Variants in PCDHGB5 observed in about 807,000 individuals in gnomAD.
PCDHGB5 encodes the protein protocadherin gamma subfamily B, 5, also known as protocadherin gamma-B5.
Under a neutral mutation model 62.9 loss-of-function variants are expected in PCDHGB5, and 48 were observed. The ratio of observed to expected loss-of-function variants is 0.76; its 90% CI spans 0.61 to 0.97. PCDHGB5 has a LOEUF of 0.97. PCDHGB5 is among the 50% of genes least tolerant of loss of function. PCDHGB5 has a pLI of 0.00. For missense variants in PCDHGB5, 1,118 were observed against 1,198.6 expected (o/e 0.93, Z 0.99); for synonymous variants, 474 against 511.2 (o/e 0.93, Z 0.98).
intron 1 of PCDHGB5, chr5:141,418,101 G>A (rs965772298): frequency 3.7e-6 from 6 of 1,614,082 alleles, no homozygotes; most frequent in Non-Finnish European, 5.1e-6. Flanking sequence ...GACGCGCAGA[G>A]CGGGGACTTA....
At chr5:141,403,121 C>T (rs2094357954) in intron 1 of PCDHGB5, 1 of 1,614,046 alleles carries the variant, frequency 6.2e-7, no homozygotes, top group Non-Finnish European at 8.5e-7. Context: ...TCTGGAGCCC[C>T]GGGAGCTGGC....
At chr5:141,419,728 A>T (rs2096421858) in intron 1 of PCDHGB5, 1 of 1,613,466 alleles carries the variant, frequency 6.2e-7, no homozygotes. Flanking sequence ...GGCTGCGAAC[A>T]GGCGAGGTGC....
Position 141,398,621 on chromosome 5 carries a change from ACT to A in PCDHGB5, c.499_500del (p.Leu167AlafsTer4). On this transcript the variant is annotated frameshift_variant, in exon 1 of 4. Coordinates refer to ENST00000617380, the MANE Select transcript of PCDHGB5 (RefSeq NM_018925.3). LOFTEE classifies it high-confidence loss of function. ...GCAGAAGATGCAGATATTGGCTTAA[ACT>A]CTCTGCAGAAGTATAAACTCTCTCT... 3 of 1,613,968 alleles carry A rather than the reference ACT, an allele frequency of 1.9e-6. No individual in the cohort carries two copies. Among genetic ancestry groups the A allele is most frequent in the Non-Finnish European group, 2.5e-6 (3 of 1,179,886 alleles).
intron 1 of PCDHGB5, among the ~76,000 whole-genome samples, chr5:141,430,398 C>T (rs2097281985): frequency 6.7e-6 from 1 of 150,224 alleles, no homozygotes. Flanking sequence ...AAAAAAAAAG[C>T]TCACTAAAGT....
At chr5:141,420,811 CT>C (rs2096526727) in intron 1 of PCDHGB5, among the ~76,000 whole-genome samples, 1 of 152,214 alleles carries the variant, frequency 6.6e-6, no homozygotes, top group Admixed American at 6.5e-5. Flanking sequence ...TAAGCAAGCC[CT>C]TTTAATAATT....
At chr5:141,483,660 G>T (rs943362284) in intron 1 of PCDHGB5, among the ~76,000 whole-genome samples, 4 of 152,094 alleles carry the variant, frequency 2.6e-5, no homozygotes, top group Admixed American at 2.0e-4. Flanking sequence ...GTGTGTGTGT[G>T]TGTGTGTGTA....
chr5:141,490,045 C>G lies in PCDHGB5; in HGVS notation c.2398-4762C>G, dbSNP rs530803072. 6 of 1,614,114 alleles carry G rather than the reference C, an allele frequency of 3.7e-6. No individual in the cohort carries two copies. The highest frequency in any genetic ancestry group is 5.1e-6 in the Non-Finnish European group (6 of 1,180,014). On this transcript the variant is annotated intron_variant, in intron 1 of 3. Coordinates refer to ENST00000617380, the MANE Select transcript of PCDHGB5 (RefSeq NM_018925.3). This position sits in a 1 kb window ranked among gnomAD's most constrained non-coding sequence, Gnocchi z 5.4. ...GCTGCTCCGCCTCAATGCCACTGAT[C>G]CAGACGAGGGCACCAACGGCCAACT...
chr5:141,477,719 T>C lies in PCDHGB5; in HGVS notation c.2398-17088T>C. 6.2e-7 allele frequency: 1 copy of C among 1,613,876 alleles called. No individual in the cohort carries two copies. Among genetic ancestry groups the C allele is most frequent in the Non-Finnish European group, 8.5e-7 (1 of 1,180,028 alleles). ...CTATGAGGATCGGCGGGAATTTGAA[T>C]TAACAGCTCATATCAGCGATGGGGG... On this transcript the variant is annotated intron_variant, in intron 1 of 3. Transcript: ENST00000617380. The surrounding 1 kb of genome is among the most constrained non-coding windows in gnomAD (Gnocchi z 4.9).
chr5:141,418,151 G>A (rs1276817622), intron 1 of PCDHGB5: 4 of 1,613,990 alleles, frequency 2.5e-6, no homozygotes, highest in East Asian at 4.5e-5. Context: ...AATATGCAAA[G>A]AGAGAAGAAG....
rs1288071067 is a variant in PCDHGB5 at position 141,404,171 on chromosome 5, GC to G, written c.2397+3650del. ...AGAAGATTATTACAGATTGTTGACG[GC>G]CCAAATTCTTGACCGAGAAAAAGCC... On this transcript the variant is annotated intron_variant, in intron 1 of 3. Coordinates refer to ENST00000617380, the MANE Select transcript of PCDHGB5 (RefSeq NM_018925.3). 5.6e-6 allele frequency: 9 copies of G among 1,612,616 alleles called. No homozygotes were observed. The African/African-American group carries it at 9.4e-5, about 17-fold the overall frequency.
intron 1 of PCDHGB5, among the ~76,000 whole-genome samples, chr5:141,492,341 C>T (rs2099739551): frequency 6.6e-6 from 1 of 152,222 alleles, no homozygotes; most frequent in East Asian, 1.9e-4. Flanking sequence ...CGAATACCAG[C>T]TTTCACTGCC....
intron 1 of PCDHGB5, chr5:141,478,865 T>G: frequency 7.5e-7 from 1 of 1,326,190 alleles, no homozygotes; most frequent in Non-Finnish European, 1.0e-6. Context: ...ATCTCAGCGA[T>G]CAGAGTTTAG....
chr5:141,502,246 T>A (rs1449536622), intron 2 of PCDHGB5, among the ~76,000 whole-genome samples: 1 of 152,206 alleles, frequency 6.6e-6, no homozygotes, highest in African/African-American at 2.4e-5. Flanking sequence ...TTTATCCTTT[T>A]TTTTAATCCA....
chr5:141,432,139 TATCCCAGAGAACA>T lies in PCDHGB5; in HGVS notation c.2397+31625_2397+31637del, dbSNP rs745506362. On this transcript the variant is annotated intron_variant, in intron 1 of 3. Transcript: ENST00000617380. The surrounding 1 kb of genome is among the most constrained non-coding windows in gnomAD (Gnocchi z 6.0). ...TCCCTCAGGCCTCCTATTCCGCTTA[TATCCCAGAGAACA>T]ATCCCAGAGGAGTTTCCCTCGTCTC... 1.1e-5 allele frequency: 17 copies of T among 1,613,976 alleles called. No individual in the cohort carries two copies. The highest frequency in any genetic ancestry group is 1.3e-5 in the African/African-American group (1 of 74,892).
chr5:141,479,035 C>A (rs2099486361), intron 1 of PCDHGB5, among the ~76,000 whole-genome samples: 1 of 152,104 alleles, frequency 6.6e-6, no homozygotes, highest in Non-Finnish European at 1.5e-5. Context: ...TTATACAGAT[C>A]GTGTACCTCA....
At chr5:141,413,092 T>C in intron 1 of PCDHGB5, 1 of 1,429,614 alleles carries the variant, frequency 7.0e-7, no homozygotes, top group Non-Finnish European at 9.4e-7. Context: ...AGAGACACCC[T>C]GAAGCCACAG....
intron 1 of PCDHGB5, chr5:141,404,186 C>T (rs767632448): frequency 3.1e-6 from 5 of 1,613,084 alleles, no homozygotes; most frequent in Non-Finnish European, 4.2e-6. Flanking sequence ...AATTCTTGAC[C>T]GAGAAAAAGC....
At position 141,422,383 on chromosome 5, in the gene PCDHGB5, T is replaced by C. The variant is rs201301291; in HGVS notation, c.2397+21859T>C. On this transcript the variant is annotated intron_variant, in intron 1 of 3. Transcript: ENST00000617380. ...TGGAGAAAATGGTCAAGTCTCCTGT[T>C]TTATTCCTAACCACCTGCCTTTTAA... 554 of 1,586,008 alleles carry C rather than the reference T, an allele frequency of 3.5e-4. 2 individuals are homozygous for C. The African/African-American group carries it at 6.9e-3, about 20-fold the overall frequency.
intron 1 of PCDHGB5, among the ~76,000 whole-genome samples, chr5:141,488,394 A>C (rs2099674951): frequency 1.3e-5 from 2 of 152,232 alleles, no homozygotes. Flanking sequence ...TGGTGAAACC[A>C]TGAAACCTAG....
Sources: gnomAD v4.1 joint callset for allele counts (sites outside exome capture counted in the v4.1 genomes callset) on GRCh38, gnomAD v4.1.1 for gene constraint, Gnocchi (gnomAD v3.1) non-coding constraint, MANE v1.5 for transcripts, NCBI Gene and HGNC (gene_info 2026-07-23, HGNC 2026-07-21) for gene names.